PTDSS1: variants seen among roughly 807,000 people sequenced by gnomAD.
PTDSS1 encodes the protein phosphatidylserine synthase 1.
In PTDSS1, 45 loss-of-function variants were observed where a neutral mutation model predicts 70.5. That is an observed-to-expected ratio of 0.64 (90% CI 0.50 to 0.82). PTDSS1 has a LOEUF of 0.82. PTDSS1 is among the 40% of genes least tolerant of loss of function. The pLI, the probability that PTDSS1 is intolerant of heterozygous loss-of-function variation, is 0.00. For synonymous variants in PTDSS1, 188 were observed against 203.8 expected (o/e 0.92, Z 0.66); for missense variants, 417 against 586.1 (o/e 0.71, Z 2.98).
intron 2 of PTDSS1, among the ~76,000 whole-genome samples, chr8:96,276,972 A>G (rs1395477522): frequency 2.9e-4 from 37 of 129,746 alleles, no homozygotes; most frequent in African/African-American, 7.3e-4. Context: ...ACACGCGCGC[A>G]CGCGCGCGCA....
chr8:96,290,241 T>C (rs1473282588), intron 4 of PTDSS1, among the ~76,000 whole-genome samples: 1 of 152,208 alleles, frequency 6.6e-6, no homozygotes, highest in Non-Finnish European at 1.5e-5. Context: ...GAAATAGAAA[T>C]TGGGAGAAAG....
chr8:96,282,593 T>C (rs1810755212), intron 2 of PTDSS1, among the ~76,000 whole-genome samples: 1 of 152,200 alleles, frequency 6.6e-6, no homozygotes, highest in South Asian at 2.1e-4. Context: ...CCATCCGAAC[T>C]GCCACCTAGG....
Position 96,335,458 on chromosome 8 carries a change from A to T in PTDSS1, c.*1892A>T, listed in dbSNP as rs1392565092. On this transcript the variant is annotated 3_prime_UTR_variant, in exon 13 of 13. Transcript: ENST00000517309. ...CGGGAGCACTGGGCCTGACACTTTCACACTCTTCTGACTTTCGCCTTGTTG... is the reference window on the plus strand; with the variant it reads ...CGGGAGCACTGGGCCTGACACTTTCTCACTCTTCTGACTTTCGCCTTGTTG... The T allele has an allele frequency of 2.6e-5, 4 of 152,068 alleles. No homozygotes were observed. Among genetic ancestry groups the T allele is most frequent in the Non-Finnish European group, 4.4e-5 (3 of 68,018 alleles). 9.4% of individuals were successfully genotyped at this position (152,068 alleles called of 1,614,324 possible).
At chr8:96,314,656 G>A (rs1034514491) in intron 9 of PTDSS1, among the ~76,000 whole-genome samples, 27 of 152,266 alleles carry the variant, frequency 1.8e-4, no homozygotes, top group Admixed American at 1.8e-3. Flanking sequence ...GAGTGCAGTG[G>A]TGCCATCTCG....
chr8:96,291,755 T>G (rs917532062), intron 4 of PTDSS1, among the ~76,000 whole-genome samples: 1 of 152,214 alleles, frequency 6.6e-6, no homozygotes, highest in Admixed American at 6.5e-5. Context: ...TTTGTCCCCC[T>G]ATATCTTCTA....
intron 9 of PTDSS1, among the ~76,000 whole-genome samples, chr8:96,316,635 T>C (rs1314099362): frequency 6.6e-6 from 1 of 152,024 alleles, no homozygotes; most frequent in African/African-American, 2.4e-5. Flanking sequence ...AATATACCCA[T>C]GTAGCATTCC....
chr8:96,278,509 A>T (rs905703181), intron 2 of PTDSS1, among the ~76,000 whole-genome samples: 11 of 152,108 alleles, frequency 7.2e-5, no homozygotes, highest in Non-Finnish European at 1.3e-4. Flanking sequence ...AGAGGGTCTG[A>T]TGTCTGCATT....
chr8:96,271,383 T>A (rs1011221992), intron 1 of PTDSS1, among the ~76,000 whole-genome samples: 1 of 152,238 alleles, frequency 6.6e-6, no homozygotes, highest in African/African-American at 2.4e-5. Flanking sequence ...GCTTCCTTGT[T>A]TTTTTAAATG....
At chr8:96,320,940 G>A (rs1466992987) in intron 10 of PTDSS1, among the ~76,000 whole-genome samples, 1 of 152,214 alleles carries the variant, frequency 6.6e-6, no homozygotes, top group Non-Finnish European at 1.5e-5. Flanking sequence ...TTCAAATGAA[G>A]TAAGATAGTA....
At position 96,287,044 on chromosome 8, in the gene PTDSS1, G is replaced by C; in HGVS notation, c.339G>C (p.Leu113=). ...MVFGLSVLYF[L]FLVFLLFLNF... The stretch of plus-strand genomic sequence containing the variant: ...CAGGACTCAGTGTGCTCTACTTCCT[G>C]TTCCTGGTATTCCTACTCTTCCTGA... Residue 113 remains leucine, a synonymous_variant, in exon 4 of 13, where the codon CTG becomes CTC. Coordinates refer to ENST00000517309, the MANE Select transcript of PTDSS1 (RefSeq NM_014754.3). 2 of 1,614,058 alleles carry C rather than the reference G, an allele frequency of 1.2e-6. No individual in the cohort carries two copies. The highest frequency in any genetic ancestry group is 1.7e-6 in the Non-Finnish European group (2 of 1,179,944).
rs1269133254 is a variant in PTDSS1 at position 96,333,522 on chromosome 8, C to A, written c.1378C>A (p.Arg460=). 1.2e-6 allele frequency: 2 copies of A among 1,613,916 alleles called. No individual in the cohort carries two copies. The highest frequency in any genetic ancestry group is 3.3e-5 in the Admixed American group (2 of 60,006). ...AAGCCATTCTTCCAGGAGAAGGAAT[C>A]GGCATTCCAAGTCAAAAGTCACCAA... The part of the protein sequence containing the change: ...NESHSSRRRN[R]HSKSKVTNGV... The change falls in exon 13 of 13, where the codon CGG becomes AGG. Residue 460 remains arginine (R), a synonymous_variant. Transcript: ENST00000517309.
intron 2 of PTDSS1, among the ~76,000 whole-genome samples, chr8:96,278,030 TTCTGCCGTCTTCTAGGCTGCAG>T (rs1810674268): frequency 6.6e-6 from 1 of 152,238 alleles, no homozygotes; most frequent in Admixed American, 6.5e-5. Flanking sequence ...CCCCTTTCTG[TTCTGCCGTCTTCTAGGCTGCAG>T]TCTGCCCTGC....
intron 2 of PTDSS1, among the ~76,000 whole-genome samples, chr8:96,279,048 G>A (rs1810693602): frequency 7.1e-6 from 1 of 140,486 alleles, no homozygotes; most frequent in East Asian, 2.1e-4. Flanking sequence ...TTGGCTCACT[G>A]CACCCTCCAC....
intron 9 of PTDSS1, among the ~76,000 whole-genome samples, chr8:96,312,195 A>G (rs1454138397): frequency 2.6e-5 from 4 of 152,228 alleles, no homozygotes; most frequent in African/African-American, 9.6e-5. Flanking sequence ...TCACGCCTGT[A>G]ATCTCAGCAA....
Position 96,333,882 on chromosome 8 carries a change from G to T in PTDSS1, c.*316G>T. ...ATTCACAGTTGCCAAGAGCAGCTCC[G>T]CGCCTGCTGGATCGTGGATGCAGCG... On this transcript the variant is annotated 3_prime_UTR_variant, in exon 13 of 13. Coordinates refer to ENST00000517309, the MANE Select transcript of PTDSS1 (RefSeq NM_014754.3). 1.6e-6 allele frequency: 1 copy of T among 619,950 alleles called. No homozygotes were observed. The highest frequency in any genetic ancestry group is 2.7e-5 in the Admixed American group (1 of 37,606). 38.4% of individuals were successfully genotyped at this position (619,950 alleles called of 1,614,324 possible).
chr8:96,294,714 G>A (rs1172235113), intron 4 of PTDSS1, among the ~76,000 whole-genome samples: 2 of 152,094 alleles, frequency 1.3e-5, no homozygotes, highest in Non-Finnish European at 2.9e-5. Context: ...ATGATACTTA[G>A]AAATGTGTGT....
chr8:96,283,815 T>C (rs1048978814), intron 2 of PTDSS1: 3 of 348,598 alleles, frequency 8.6e-6, no homozygotes, highest in Non-Finnish European at 1.6e-5. Flanking sequence ...CCACTCACTA[T>C]TACAACATTG....
chr8:96,331,047 G>A lies in PTDSS1; in HGVS notation c.1264G>A (p.Gly422Ser). 1 of 1,613,490 alleles carries A rather than the reference G, an allele frequency of 6.2e-7. No individual in the cohort carries two copies. The highest frequency in any genetic ancestry group is 8.5e-7 in the Non-Finnish European group (1 of 1,179,434). Residue 422 changes from glycine (G) to serine (S), a missense_variant, in exon 12 of 13, where the codon GGC becomes AGC. By Grantham distance (56) the Gly-to-Ser change is moderately conservative (BLOSUM62 0). Around this residue, in one of 3 missense-constraint regions of PTDSS1, gnomAD observed 107 missense variants for 122.3 expected, o/e 0.88. Transcript: ENST00000517309. ...CTAGACCTACTCGGAGTGTGAAGAT[G>A]GCACCTACAGTCCAGAGATCTCCTG... ...REKTYSECED[G>S]TYSPEISWHH...
chr8:96,279,300 G>C (rs567907766), intron 2 of PTDSS1, among the ~76,000 whole-genome samples: 4 of 151,642 alleles, frequency 2.6e-5, no homozygotes, highest in Non-Finnish European at 4.4e-5. Context: ...ACTTTTTTAC[G>C]GTCTTTGAGG....
Sources: allele counts gnomAD v4.1 joint callset (sites outside exome capture counted in the v4.1 genomes callset), GRCh38; gene constraint gnomAD v4.1.1; regional missense constraint gnomAD v4.1.1; transcripts MANE v1.5; gene names NCBI Gene and HGNC (gene_info 2026-07-23, HGNC 2026-07-21).